The following CEP112 variants were observed in gnomAD, a reference collection of about 807,000 sequenced individuals.
The protein encoded by CEP112 is centrosomal protein of 112 kDa.
In CEP112, 127 loss-of-function variants were observed where a neutral mutation model predicts 153.0. That is an observed-to-expected ratio of 0.83 (90% CI 0.72 to 0.96). The LOEUF is 0.96. Among genes scored for constraint, CEP112 ranks in the 40% least tolerant of loss-of-function variants. The pLI is 0.00. For missense variants in CEP112, 1,089 were observed against 1,101.2 expected, an observed-to-expected ratio of 0.99 and a Z score of 0.16; for synonymous variants, 358 against 374.4, an observed-to-expected ratio of 0.96 and a Z score of 0.51.
chr17:65,789,207 T>A (rs1321404107), intron 21 of CEP112, among the ~76,000 whole-genome samples: 1 of 152,142 alleles, frequency 6.6e-6, no homozygotes, highest in Non-Finnish European at 1.5e-5. Context: ...AATAAGAAAC[T>A]TAGTAGAATT....
chr17:65,893,913 C>T (rs937083514), intron 20 of CEP112, among the ~76,000 whole-genome samples: 2 of 152,038 alleles, frequency 1.3e-5, no homozygotes, highest in Admixed American at 6.6e-5. Context: ...GCTCTTTGAA[C>T]ATTTGATGAT....
chr17:65,661,422 A>AG (rs2046380430), intron 24 of CEP112, among the ~76,000 whole-genome samples: 1 of 152,204 alleles, frequency 6.6e-6, no homozygotes, highest in Admixed American at 6.5e-5. Context: ...GCTATATGGT[A>AG]CTTTCATGGC....
rs113544936 is a variant in CEP112 at position 66,117,765 on chromosome 17, T to A, written c.642+11981A>T. ...ATGGGAGATATTTGCAAACTAAGTA[T>A]CTGACATGAGATTAATGACCAAAAT... is the stretch of plus-strand genomic sequence containing the variant. On this transcript the variant is annotated intron_variant, in intron 6 of 26. Transcript: ENST00000535342. Among the ~76,000 whole-genome samples the A allele has an allele frequency of 8.6e-3, 1,309 of 152,196 alleles. 5 individuals are homozygous for A. Among genetic ancestry groups the A allele is most frequent in the Non-Finnish European group, 0.014 (945 of 68,008 alleles).
chr17:65,934,418 T>A (rs1392629066), intron 18 of CEP112, among the ~76,000 whole-genome samples: 1 of 151,988 alleles, frequency 6.6e-6, no homozygotes, highest in Non-Finnish European at 1.5e-5. Context: ...ATTCAAAGCA[T>A]ATCACTACAG....
At position 65,961,520 on chromosome 17, in the gene CEP112, C is replaced by T; in HGVS notation, c.1815G>A (p.Glu605=). The T allele has an allele frequency of 1.2e-6, 2 of 1,613,580 alleles. No individual in the cohort carries two copies. Among genetic ancestry groups the T allele is most frequent in the Non-Finnish European group, 1.7e-6 (2 of 1,179,566 alleles). Residue 605 remains glutamate (E), a synonymous_variant, in exon 18 of 27, where the codon GAG becomes GAA. Coordinates refer to ENST00000535342, the MANE Select transcript of CEP112 (RefSeq NM_001199165.4). ...QAQQADAALE[E]FKRQVELNSE... ...AGTTCAGTTCCACCTGCCGCTTAAA[C>T]TCTTCCAGAGCGGCATCTGCCTGCT...
intron 24 of CEP112, among the ~76,000 whole-genome samples, chr17:65,669,641 T>C (rs142418693): frequency 0.013 from 1,920 of 152,252 alleles, 35 homozygotes; most frequent in African/African-American, 0.035. Flanking sequence ...CGGTGGCTCA[T>C]GCCTGTAATC....
chr17:66,022,230 A>G (rs529155396), intron 16 of CEP112, among the ~76,000 whole-genome samples: 95 of 152,320 alleles, frequency 6.2e-4, no homozygotes, highest in Non-Finnish European at 1.1e-3. Flanking sequence ...CATACTTCAT[A>G]GTTATATCCG....
chr17:65,709,527 A>G (rs2049073499), intron 23 of CEP112, among the ~76,000 whole-genome samples: 1 of 152,216 alleles, frequency 6.6e-6, no homozygotes, highest in Admixed American at 6.5e-5. Context: ...TGAGAACCGT[A>G]TGGGGGAACT....
intron 21 of CEP112, among the ~76,000 whole-genome samples, chr17:65,845,503 A>T (rs1598759986): frequency 6.6e-6 from 1 of 152,208 alleles, no homozygotes; most frequent in African/African-American, 2.4e-5. Flanking sequence ...GCTATTTTAC[A>T]TATACATTAA....
intron 23 of CEP112, among the ~76,000 whole-genome samples, chr17:65,723,024 A>G (rs543936002): frequency 2.0e-5 from 3 of 151,756 alleles, no homozygotes; most frequent in Admixed American, 1.3e-4. Context: ...TCTCCAAATA[A>G]GCCTATCTAC....
intron 22 of CEP112, among the ~76,000 whole-genome samples, chr17:65,743,636 T>C (rs1455036572): frequency 3.3e-5 from 5 of 152,366 alleles, no homozygotes; most frequent in Non-Finnish European, 1.5e-5. Flanking sequence ...TATTCTTCAG[T>C]CACCTAATTC....
intron 17 of CEP112, among the ~76,000 whole-genome samples, chr17:66,001,468 G>T (rs549588749): frequency 9.2e-5 from 14 of 152,272 alleles, no homozygotes; most frequent in African/African-American, 2.9e-4. Flanking sequence ...TAGAAAGCTT[G>T]TCCACATTAG....
At chr17:65,905,526 G>A (rs2060038721) in intron 19 of CEP112, among the ~76,000 whole-genome samples, 1 of 152,222 alleles carries the variant, frequency 6.6e-6, no homozygotes, top group Admixed American at 6.5e-5. Flanking sequence ...TTCAACCACT[G>A]TGGAAGACAG....
At chr17:65,774,176 C>A (rs1002950649) in intron 21 of CEP112, among the ~76,000 whole-genome samples, 1 of 151,916 alleles carries the variant, frequency 6.6e-6, no homozygotes, top group African/African-American at 2.4e-5. Flanking sequence ...ACTTGAAAGT[C>A]GGTTTTATCT....
intron 26 of CEP112, chr17:65,636,601 T>G (rs2044783466): frequency 6.5e-6 from 1 of 153,234 alleles, no homozygotes; most frequent in Non-Finnish European, 1.4e-5. Context: ...TCATCTTTCT[T>G]TTTTCTTTTT....
intron 20 of CEP112, among the ~76,000 whole-genome samples, chr17:65,856,373 A>T (rs62065093): frequency 0.13 from 20,264 of 152,148 alleles, 1,383 homozygotes; most frequent in Non-Finnish European, 0.16. Flanking sequence ...GAAAAATAGA[A>T]TTGGAAAGAT....
chr17:65,806,296 T>C (rs1403810065), intron 21 of CEP112, among the ~76,000 whole-genome samples: 1 of 151,482 alleles, frequency 6.6e-6, no homozygotes, highest in African/African-American at 2.4e-5. Context: ...AAAAAGGTAG[T>C]GTACAATAAT....
rs533962857 is a variant in CEP112, at chr17:66,062,235, T to C, written c.1074+728A>G. On this transcript the variant is annotated intron_variant, in intron 11 of 26. Transcript: ENST00000535342. Reference sequence around the variant, plus strand: ...CTAATACATAGTGGACAATGGACACTAATATAGGAGAAATAAATTATGGTT... The same window carrying C: ...CTAATACATAGTGGACAATGGACACCAATATAGGAGAAATAAATTATGGTT... Among the ~76,000 whole-genome samples the C allele has an allele frequency of 3.9e-5, 6 of 152,198 alleles. No homozygotes were observed. In the South Asian group the frequency reaches 1.2e-3, roughly 32 times the overall value.
At chr17:65,716,396 A>C (rs1484450328) in intron 23 of CEP112, among the ~76,000 whole-genome samples, 1 of 152,038 alleles carries the variant, frequency 6.6e-6, no homozygotes, top group African/African-American at 2.4e-5. Context: ...GCTGACCTCA[A>C]GTGATCCGCC....
Sources: allele counts gnomAD v4.1 joint callset (sites outside exome capture counted in the v4.1 genomes callset), GRCh38; gene constraint gnomAD v4.1.1; transcripts MANE v1.5; gene names NCBI Gene and HGNC (gene_info 2026-07-23, HGNC 2026-07-21).